Variants in GRID1 observed in about 807,000 individuals in gnomAD.
The protein encoded by GRID1 is glutamate receptor ionotropic, delta-1.
In GRID1, 28 loss-of-function variants were observed where a neutral mutation model predicts 98.0. That is an observed-to-expected ratio of 0.29 (90% CI 0.21 to 0.39). The LOEUF is 0.39. Among genes scored for constraint, GRID1 ranks in the 10% least tolerant of loss-of-function variants. The pLI is 1.00. For missense variants in GRID1, 1,111 were observed against 1,340.5 expected (o/e 0.83, Z 2.67); for synonymous variants, 553 against 538.5 (o/e 1.03, Z -0.37).
At position 85,617,932 on chromosome 10, in the gene GRID1, T is replaced by A. The variant is rs1842810719; in HGVS notation, c.2360+1935A>T. Among the ~76,000 whole-genome samples, 3 of 152,236 alleles carry A rather than the reference T, an allele frequency of 2.0e-5. No homozygotes were observed. The South Asian group carries it at 6.2e-4, about 32-fold the overall frequency. On this transcript the variant is annotated intron_variant, in intron 14 of 15. Transcript: ENST00000327946. The stretch of plus-strand genomic sequence containing the variant: ...CACCCCATGTTGGCCCTGGCCCTGG[T>A]CCTCTGAAGCCACACAAAGGACATC...
intron 4 of GRID1, among the ~76,000 whole-genome samples, chr10:85,990,209 CA>C (rs1842663368): frequency 6.6e-6 from 1 of 152,200 alleles, no homozygotes; most frequent in East Asian, 1.9e-4. Context: ...CCCAGGCAAG[CA>C]AATGGCCCTG....
intron 7 of GRID1, among the ~76,000 whole-genome samples, 169 bp downstream of exon 7, chr10:85,855,860 G>T (rs1843104871): frequency 6.6e-6 from 1 of 152,192 alleles, no homozygotes. Flanking sequence ...AGCTCACCTG[G>T]CCTGCAGATG....
At chr10:85,770,525 C>A (rs1047892943) in intron 8 of GRID1, among the ~76,000 whole-genome samples, 1 of 152,064 alleles carries the variant, frequency 6.6e-6, no homozygotes, top group African/African-American at 2.4e-5. Context: ...TCAAACTACT[C>A]CTAGCTACAG....
chr10:85,783,531 C>T (rs1842399177), intron 8 of GRID1, among the ~76,000 whole-genome samples: 1 of 152,184 alleles, frequency 6.6e-6, no homozygotes, highest in Non-Finnish European at 1.5e-5. Context: ...CTGAATATAG[C>T]TCTTGTGGTT....
chr10:85,716,867 G>A (rs1022586041), intron 12 of GRID1, among the ~76,000 whole-genome samples: 1 of 152,122 alleles, frequency 6.6e-6, no homozygotes, highest in South Asian at 2.1e-4. Context: ...GACACATACT[G>A]AATGCTCTCA....
chr10:85,699,783 A>G (rs1590195086), intron 12 of GRID1, among the ~76,000 whole-genome samples: 2 of 152,202 alleles, frequency 1.3e-5, no homozygotes, highest in East Asian at 3.8e-4. Flanking sequence ...TTGTGGACAC[A>G]AGACAAATCT....
chr10:86,119,515 C>T (rs192507801), intron 4 of GRID1, among the ~76,000 whole-genome samples: 257 of 152,152 alleles, frequency 1.7e-3, no homozygotes, highest in African/African-American at 5.8e-3. Context: ...CATAATGATC[C>T]TAAAATTTAA....
chr10:86,188,563 A>T (rs1845757207), intron 3 of GRID1, among the ~76,000 whole-genome samples: 1 of 151,992 alleles, frequency 6.6e-6, no homozygotes, highest in South Asian at 2.1e-4. Context: ...CAAGGCATAC[A>T]GGAAGAATGC....
At chr10:86,250,371 A>T (rs550949095) in intron 2 of GRID1, among the ~76,000 whole-genome samples, 1 of 152,278 alleles carries the variant, frequency 6.6e-6, no homozygotes, top group Non-Finnish European at 1.5e-5. Flanking sequence ...TACAGTTACC[A>T]TCCCCATGCA....
chr10:85,715,144 T>A (rs1238946734), intron 12 of GRID1, among the ~76,000 whole-genome samples: 1 of 152,130 alleles, frequency 6.6e-6, no homozygotes, highest in African/African-American at 2.4e-5. Flanking sequence ...GGGAAGACAG[T>A]CTCTTTAGTA....
At chr10:86,353,216 G>A (rs1405153793) in intron 2 of GRID1, among the ~76,000 whole-genome samples, 1 of 152,226 alleles carries the variant, frequency 6.6e-6, no homozygotes, top group African/African-American at 2.4e-5. Context: ...CAAGGCAAGG[G>A]GAGCACATGA....
intron 6 of GRID1, 107 bp from the exon 7 acceptor site, chr10:85,856,297 G>T: frequency 1.0e-6 from 1 of 975,270 alleles, no homozygotes; most frequent in Non-Finnish European, 1.6e-6. Flanking sequence ...ATTAAGCTGT[G>T]GTGCCCAGTA....
chr10:86,258,672 GCAAGTCA>G (rs1268262845), intron 2 of GRID1, among the ~76,000 whole-genome samples: 1 of 152,116 alleles, frequency 6.6e-6, no homozygotes, highest in African/African-American at 2.4e-5. Context: ...ATTGGCCCTG[GCAAGTCA>G]CATGGCCAAG....
intron 15 of GRID1, chr10:85,606,929 T>C (rs1027804563): frequency 1.3e-5 from 2 of 152,218 alleles, no homozygotes; most frequent in Non-Finnish European, 2.9e-5. Context: ...TAATGACAGC[T>C]GTGAAAACAG....
chr10:85,780,672 C>T (rs993223045), intron 8 of GRID1, among the ~76,000 whole-genome samples: 26 of 152,132 alleles, frequency 1.7e-4, no homozygotes, highest in Admixed American at 6.6e-5. Flanking sequence ...GCTTCCTGAA[C>T]ACCCAGCCTG....
At position 86,195,721 on chromosome 10, in the gene GRID1, T is replaced by A. The variant is rs537046231; in HGVS notation, c.520+10643A>T. On this transcript the variant is annotated intron_variant, in intron 3 of 15. Transcript: ENST00000327946. This position sits in a 1 kb window ranked among gnomAD's most constrained non-coding sequence, Gnocchi z 4.4. ...GTACGTGAAGGGCTGAGAGGAGACA[T>A]AATGTTACCCACATGGCTGTGTCTG... 1.3e-5 allele frequency among the ~76,000 whole-genome samples: 2 copies of A among 152,206 alleles called. No individual in the cohort carries two copies. The highest frequency in any genetic ancestry group is 4.1e-4 in the South Asian group (2 of 4,824).
intron 5 of GRID1, among the ~76,000 whole-genome samples, chr10:85,878,052 A>G (rs1840926996): frequency 6.6e-6 from 1 of 152,218 alleles, no homozygotes; most frequent in Non-Finnish European, 1.5e-5. Flanking sequence ...AAATGAAGCG[A>G]GAAGAGGAGT....
rs1193872174 is a variant in GRID1, at chr10:86,366,635, T to G, written c.-243A>C. ...GGCGGCTGCGGCGGTGCTGGCAGCT[T>G]GAGCCCAGGCCGGCGCGGCGGGGGC... On this transcript the variant is annotated 5_prime_UTR_variant, in exon 1 of 16. Coordinates refer to ENST00000327946, the MANE Select transcript of GRID1 (RefSeq NM_017551.3). The surrounding 1 kb of genome is among the most constrained non-coding windows in gnomAD (Gnocchi z 4.1). 1 of 156,204 alleles carries G rather than the reference T, an allele frequency of 6.4e-6. No individual in the cohort carries two copies. Among genetic ancestry groups the G allele is most frequent in the Non-Finnish European group, 1.4e-5 (1 of 71,454 alleles). 9.7% of individuals were successfully genotyped at this position (156,204 alleles called of 1,614,324 possible). A position where few individuals can be genotyped will look rare whatever the true frequency, so the allele number is the denominator to read the frequency against.
intron 12 of GRID1, among the ~76,000 whole-genome samples, chr10:85,699,647 A>G (rs928906921): frequency 1.3e-5 from 2 of 152,232 alleles, no homozygotes; most frequent in African/African-American, 4.8e-5. Context: ...AGAGGCTTAT[A>G]GTAAATTTTC....
Sources: gnomAD v4.1 joint callset for allele counts (sites outside exome capture counted in the v4.1 genomes callset) on GRCh38, gnomAD v4.1.1 for gene constraint, Gnocchi (gnomAD v3.1) non-coding constraint, MANE v1.5 for transcripts, NCBI Gene and HGNC (gene_info 2026-07-23, HGNC 2026-07-21) for gene names.